Variants in APOB observed in about 807,000 individuals in gnomAD.
The protein encoded by APOB is apolipoprotein B-100.
APOB carries 153 observed loss-of-function variants against 314.1 expected under a neutral mutation model. The observed-to-expected ratio is 0.49, with a 90% CI of 0.43 to 0.56. APOB has a LOEUF of 0.56. Among genes scored for constraint, APOB ranks in the 20% least tolerant of loss-of-function variants. APOB has a pLI of 0.00. For synonymous variants in APOB, 2,087 were observed against 2,036.4 expected, an observed-to-expected ratio of 1.02 and a Z score of -0.67; for missense variants, 5,430 against 5,350.7, an observed-to-expected ratio of 1.01 and a Z score of -0.46.
intron 9 of APOB, among the ~76,000 whole-genome samples, chr2:21,032,879 T>G (rs1406540985): frequency 6.6e-6 from 1 of 152,194 alleles, no homozygotes; most frequent in Middle Eastern, 3.2e-3. Flanking sequence ...TAGCTGGGTC[T>G]CATTCCTGGC....
At chr2:21,035,526 G>A in intron 7 of APOB, 58 bp downstream of exon 7, 1 of 1,603,492 alleles carries the variant, frequency 6.2e-7, no homozygotes, top group Non-Finnish European at 8.5e-7. Flanking sequence ...CACTTGAGAA[G>A]TGTTCAGTTC....
At chr2:21,016,866 C>G (rs1488293161) in intron 20 of APOB, among the ~76,000 whole-genome samples, 1 of 151,874 alleles carries the variant, frequency 6.6e-6, no homozygotes, top group Non-Finnish European at 1.5e-5. Context: ...TGCCTGTAGT[C>G]CCAGCTACTC....
chr2:21,006,724 C>G lies in APOB; in HGVS notation c.10144G>C (p.Glu3382Gln), dbSNP rs756605874. Residue 3382 changes from glutamate to glutamine, a missense_variant, in exon 26 of 29, where the codon GAG becomes CAG. Glu to Gln is a conservative substitution (Grantham distance 29, BLOSUM62 2). Transcript: ENST00000233242. ...TTTCTTGTCAATCTTGTGGTGCCCT[C>G]TAATTTGTACTGCAGTGCATCAATG... ...SVIDALQYKL[E>Q]GTTRLTRKRG... 8 of 1,613,864 alleles carry G rather than the reference C, an allele frequency of 5.0e-6. No individual in the cohort carries two copies. In the African/African-American group the frequency reaches 1.1e-4, roughly 22 times the overall value.
At position 21,002,683 on chromosome 2, in the gene APOB, G is replaced by A. The variant is rs907126709; in HGVS notation, c.12739C>T (p.Gln4247Ter). 1.7e-5 allele frequency: 28 copies of A among 1,613,574 alleles called. No individual in the cohort carries two copies. Among genetic ancestry groups the A allele is most frequent in the Non-Finnish European group, 4.2e-6 (5 of 1,179,850 alleles). ...AAAGGAAGTGTAATCACTAGGTCTTGGAAATAGGAAAACAGTATTTCTGAA... is the reference window on the plus strand; with the variant it reads ...AAAGGAAGTGTAATCACTAGGTCTTAGAAATAGGAAAACAGTATTTCTGAA... ...NGSEILFSYF[Q>*]DLVITLPFEL... The change falls in exon 29 of 29, where the codon CAA (glutamine) becomes TAA (stop). Residue 4247 changes from glutamine (Q) to a stop codon, truncating the protein, a stop_gained. Transcript: ENST00000233242. LOFTEE classifies it low-confidence loss of function (END_TRUNC).
rs1337484247 is a variant in APOB at position 21,023,619 on chromosome 2, T to G, written c.2510A>C (p.Glu837Ala). The part of the protein sequence containing the change: ...LHYIFMENAF[E>A]LPTGAGLQLQ... Reference sequence around the variant, plus strand: ...CTGTAATCCAGCTCCAGTGGGGAGTTCAAAGGCATTCTCCATGAAGATGTA... The same window carrying G: ...CTGTAATCCAGCTCCAGTGGGGAGTGCAAAGGCATTCTCCATGAAGATGTA... The change falls in exon 17 of 29, where the codon GAA becomes GCA. Residue 837 changes from glutamate to alanine, a missense_variant. Physicochemically the swap from Glu to Ala is moderately radical, Grantham distance 107. Transcript: ENST00000233242. The G allele has an allele frequency of 2.5e-6, 4 of 1,614,152 alleles. No individual in the cohort carries two copies. In the South Asian group the frequency reaches 4.4e-5, roughly 18 times the overall value.
chr2:21,030,112 A>T, intron 10 of APOB, 97 bp from the exon 11 acceptor site: 1 of 799,700 alleles, frequency 1.3e-6, no homozygotes, highest in South Asian at 1.5e-5. Flanking sequence ...TATAAAATTC[A>T]TATGGAATCC....
rs985120737 is a variant in APOB at position 21,043,916 on chromosome 2, C to T, written c.30G>A (p.Ala10=). The T allele has an allele frequency of 2.8e-6, 4 of 1,411,596 alleles. No individual in the cohort carries two copies. The South Asian group carries it at 4.4e-5, about 15-fold the overall frequency. The allele number at this position is 1,411,596 out of a possible 1,614,324, so 87.4% of individuals were successfully genotyped here. ...GCAGCAGCGCAGGCAGCGCCAGCAG[C>T]GCCAGCAGCGCGGGCCTCGGCGGGT... MDPPRPALL[A]LLALPALLLL... Residue 10 remains alanine, a synonymous_variant, in exon 1 of 29, where the codon GCG becomes GCA. Coordinates refer to ENST00000233242, the MANE Select transcript of APOB (RefSeq NM_000384.3).
rs748256431 is a variant in APOB, at chr2:21,019,901, T to A, written c.2821A>T (p.Thr941Ser). The A allele has an allele frequency of 1.1e-5, 17 of 1,614,100 alleles. No individual in the cohort carries two copies. The highest frequency in any genetic ancestry group is 1.7e-5 in the Admixed American group (1 of 60,012). Residue 941 changes from threonine to serine, a missense_variant, in exon 19 of 29, where the codon ACA becomes TCA. Thr to Ser is a moderately conservative substitution (Grantham distance 58). This residue lies in a region of APOB where 2,085 missense variants were observed against 2,079.7 expected (regional missense o/e 1.00). Coordinates refer to ENST00000233242, the MANE Select transcript of APOB (RefSeq NM_000384.3). Reference protein sequence around the residue: ...RPVKLLSGGNTLHLVSTTKTE... With the variant: ...RPVKLLSGGNSLHLVSTTKTE... Reference sequence around the variant, plus strand: ...TTGGTGGTAGAGACCAAATGTAATGTGTTGCTGGTGAAGAACAAAAATACC... The same window carrying A: ...TTGGTGGTAGAGACCAAATGTAATGAGTTGCTGGTGAAGAACAAAAATACC...
intron 20 of APOB, 129 bp downstream of exon 20, chr2:21,018,863 T>C (rs1663534551): frequency 7.3e-7 from 1 of 1,367,088 alleles, no homozygotes; most frequent in East Asian, 2.3e-5. Flanking sequence ...GGTCTTAGAA[T>C]AGGCCTGCCG....
intron 19 of APOB, 144 bp from the exon 20 acceptor site, chr2:21,019,257 T>C: frequency 8.9e-7 from 1 of 1,124,564 alleles, no homozygotes; most frequent in Non-Finnish European, 1.3e-6. Context: ...AAGATGATCT[T>C]TTTGATCCCT....
At chr2:21,043,672 C>A (rs1301443433) in intron 1 of APOB, 121 bp from the exon 2 acceptor site, 5 of 1,502,204 alleles carry the variant, frequency 3.3e-6, no homozygotes, top group South Asian at 1.2e-5. Context: ...CTCCGGAGAC[C>A]CCCTCCTCAG....
In APOB at chr2:21,010,192, T is replaced by C. The variant is rs773764835; in HGVS notation, c.6676A>G (p.Ile2226Val). ...YHIRVNLVKTIHDLHLFIENI... is the reference protein window; with the variant it reads ...YHIRVNLVKTVHDLHLFIENI... The stretch of plus-strand genomic sequence containing the variant: ...TCAATAAACAAATGTAGATCATGGA[T>C]TGTTTTTACTAAATTTACACGGATA... Residue 2226 changes from isoleucine to valine, a missense_variant, in exon 26 of 29, where the codon ATC becomes GTC. By Grantham distance (29) the Ile-to-Val change is conservative. Around this residue, in one of 3 missense-constraint regions of APOB, gnomAD observed 3,281 missense variants for 3,171.0 expected, o/e 1.03. Transcript: ENST00000233242. 1 of 1,594,830 alleles carries C rather than the reference T, an allele frequency of 6.3e-7. No individual in the cohort carries two copies.
rs200783423 is a variant in APOB at position 21,009,496 on chromosome 2, C to G, written c.7372G>C (p.Glu2458Gln). 145 of 1,613,910 alleles carry G rather than the reference C, an allele frequency of 9.0e-5. No homozygotes were observed. Among genetic ancestry groups the G allele is most frequent in the Non-Finnish European group, 1.2e-4 (141 of 1,179,966 alleles). The change falls in exon 26 of 29, where the codon GAA (glutamate) becomes CAA (glutamine). Residue 2458 changes from glutamate (E) to glutamine (Q), a missense_variant. Physicochemically the swap from Glu to Gln is conservative, Grantham distance 29. Coordinates refer to ENST00000233242, the MANE Select transcript of APOB (RefSeq NM_000384.3). ...QRLNGEIQALELPQKAEALKL... is the reference protein window; with the variant it reads ...QRLNGEIQALQLPQKAEALKL... ...AATGCTTCAGCTTTTTGTGGTAGTT[C>G]CAGAGCCTGAATTTCACCATTGAGT...
At chr2:21,023,929 C>G in intron 16 of APOB, 1 of 383,102 alleles carries the variant, frequency 2.6e-6, no homozygotes, top group Non-Finnish European at 4.6e-6. Flanking sequence ...TTCAAGTGGA[C>G]TCAGAAGGCT....
chr2:21,001,876 C>T lies in APOB; in HGVS notation c.13546G>A (p.Glu4516Lys). ...GACAGGTCAATCAATCTTTTGGATT[C>T]AGCAATAAATTTTTCATAGTAATCA... ...LSDYYEKFIA[E>K]SKRLIDLSIQ... The change falls in exon 29 of 29, where the codon GAA becomes AAA. Residue 4516 changes from glutamate to lysine, a missense_variant. Coordinates refer to ENST00000233242, the MANE Select transcript of APOB (RefSeq NM_000384.3). 1.2e-6 allele frequency: 2 copies of T among 1,613,968 alleles called. No homozygotes were observed. Among genetic ancestry groups the T allele is most frequent in the Non-Finnish European group, 1.7e-6 (2 of 1,179,962 alleles).
chr2:21,003,316 G>A lies in APOB; in HGVS notation c.12106C>T (p.Leu4036Phe). The stretch of plus-strand genomic sequence containing the variant: ...CTCAACTCAGTTTTGAATATGGTGA[G>A]TTTTTTATCTGGAGAGGACTAAACA... ...YSPQSSPDKK[L>F]TIFKTELRVR... is the part of the protein sequence containing the mutation. The change falls in exon 29 of 29, where the codon CTC becomes TTC. Residue 4036 changes from leucine (L) to phenylalanine (F), a missense_variant. Transcript: ENST00000233242. 6.2e-7 allele frequency: 1 copy of A among 1,612,608 alleles called. No individual in the cohort carries two copies. The highest frequency in any genetic ancestry group is 2.2e-5 in the East Asian group (1 of 44,836).
chr2:21,042,009 G>A (rs1480615003), intron 3 of APOB, among the ~76,000 whole-genome samples: 1 of 152,148 alleles, frequency 6.6e-6, no homozygotes, highest in Non-Finnish European at 1.5e-5. Context: ...TTCACAGTGC[G>A]ATTCCGAGTT....
At position 21,032,363 on chromosome 2, in the gene APOB, G is replaced by T. The variant is rs148167725; in HGVS notation, c.1343C>A (p.Ala448Glu). ...SRATLYALSH[A>E]VNNYHKTNPT... ...CAGTGTGGAAACTCACTTGTTGACC[G>T]CGTGGCTCAGCGCATACAAGGTGGC... Residue 448 changes from alanine to glutamate, a missense_variant, in exon 10 of 29, where the codon GCG becomes GAG. Transcript: ENST00000233242. The T allele has an allele frequency of 1.2e-6, 2 of 1,612,970 alleles. No individual in the cohort carries two copies. Among genetic ancestry groups the T allele is most frequent in the Non-Finnish European group, 8.5e-7 (1 of 1,179,888 alleles).
At position 21,009,687 on chromosome 2, in the gene APOB, A is replaced by G. The variant is rs148429884; in HGVS notation, c.7181T>C (p.Val2394Ala). ...CTTGACAGCATCATCAATAAATCCA[A>G]CCAATTTCTCAAAGTAATCTTTTAT... ...VKIKDYFEKL[V>A]GFIDDAVKKL... The change falls in exon 26 of 29, where the codon GTT (valine) becomes GCT (alanine). Residue 2394 changes from valine to alanine, a missense_variant. Coordinates refer to ENST00000233242, the MANE Select transcript of APOB (RefSeq NM_000384.3). The G allele has an allele frequency of 4.2e-5, 67 of 1,613,212 alleles. No individual in the cohort carries two copies. In the African/African-American group the frequency reaches 8.1e-4, roughly 20 times the overall value.
Sources: allele counts gnomAD v4.1 joint callset (sites outside exome capture counted in the v4.1 genomes callset), GRCh38; gene constraint gnomAD v4.1.1; regional missense constraint gnomAD v4.1.1; transcripts MANE v1.5; gene names NCBI Gene and HGNC (gene_info 2026-07-23, HGNC 2026-07-21).